Variants in GPC6 observed in about 807,000 individuals in gnomAD.
GPC6 encodes the protein glypican 6, also known as glypican-6.
Under a neutral mutation model 55.2 loss-of-function variants are expected in GPC6, and 14 were observed. That is an observed-to-expected ratio of 0.25 (90% CI 0.17 to 0.40). The LOEUF is 0.40. GPC6 is among the 10% of genes least tolerant of loss of function. GPC6 has a pLI of 1.00. For missense variants in GPC6, 641 were observed against 708.5 expected, an observed-to-expected ratio of 0.90 and a Z score of 1.08; for synonymous variants, 278 against 259.6, an observed-to-expected ratio of 1.07 and a Z score of -0.68.
chr13:94,132,948 A>G (rs558294598), intron 4 of GPC6, among the ~76,000 whole-genome samples: 9 of 152,226 alleles, frequency 5.9e-5, no homozygotes, highest in Admixed American at 4.6e-4. Flanking sequence ...AAGGCTCCAG[A>G]TATATTAATG....
At chr13:94,215,527 T>C (rs940628429) in intron 4 of GPC6, among the ~76,000 whole-genome samples, 2 of 152,216 alleles carry the variant, frequency 1.3e-5, no homozygotes, top group African/African-American at 4.8e-5. Flanking sequence ...AGTGACCCTA[T>C]AACTTGCACA....
At chr13:93,709,458 A>G (rs1159088718) in intron 2 of GPC6, among the ~76,000 whole-genome samples, 1 of 151,768 alleles carries the variant, frequency 6.6e-6, no homozygotes, top group African/African-American at 2.4e-5. Flanking sequence ...TTAGAAAATG[A>G]CATTTTTATA....
chr13:93,976,608 C>T (rs1314784335), intron 3 of GPC6, among the ~76,000 whole-genome samples: 2 of 150,968 alleles, frequency 1.3e-5, no homozygotes, highest in African/African-American at 2.4e-5. Flanking sequence ...TCTGGGACAA[C>T]GTAGCAGACA....
At chr13:93,591,492 C>A (rs1339539977) in intron 2 of GPC6, among the ~76,000 whole-genome samples, 2 of 149,750 alleles carry the variant, frequency 1.3e-5, no homozygotes, top group African/African-American at 2.4e-5. Context: ...AAAAGGAAAT[C>A]ATCTTGTTTC....
At chr13:93,341,914 T>C (rs933853951) in intron 1 of GPC6, among the ~76,000 whole-genome samples, 2 of 151,586 alleles carry the variant, frequency 1.3e-5, no homozygotes, top group African/African-American at 4.8e-5. Context: ...TAACTTTTTT[T>C]TTCTTTCTTT....
chr13:94,081,117 T>C (rs746653585), intron 4 of GPC6, among the ~76,000 whole-genome samples: 6 of 152,150 alleles, frequency 3.9e-5, no homozygotes, highest in Non-Finnish European at 8.8e-5. Flanking sequence ...CCTCAAGCAA[T>C]AGGCTTATCA....
At chr13:94,092,024 G>T (rs552663530) in intron 4 of GPC6, among the ~76,000 whole-genome samples, 3 of 150,094 alleles carry the variant, frequency 2.0e-5, no homozygotes, top group Non-Finnish European at 4.4e-5. Context: ...GGTGTAAAAT[G>T]TGATATTTTG....
chr13:94,066,984 C>T (rs1884538452), intron 4 of GPC6, among the ~76,000 whole-genome samples: 1 of 152,078 alleles, frequency 6.6e-6, no homozygotes. Context: ...TGCATCTTTG[C>T]GATCACCAAA....
intron 2 of GPC6, among the ~76,000 whole-genome samples, chr13:93,823,306 T>A (rs1887120689): frequency 6.6e-6 from 1 of 152,162 alleles, no homozygotes; most frequent in Non-Finnish European, 1.5e-5. Flanking sequence ...AAATTTGACT[T>A]AGGATAGACT....
chr13:93,776,954 C>A lies in GPC6; in HGVS notation c.320-53200C>A, dbSNP rs953473325. Among the ~76,000 whole-genome samples the A allele has an allele frequency of 5.9e-5, 9 of 152,214 alleles. 3 individuals are homozygous for A. The highest frequency in any genetic ancestry group is 1.5e-5 in the Non-Finnish European group (1 of 68,018). ...TTGTGCTAATGTTATGATTAAGCAC[C>A]CTTGCCCATCGACCAACCCCTGTCA... On this transcript the variant is annotated intron_variant, in intron 2 of 8. Coordinates refer to ENST00000377047, the MANE Select transcript of GPC6 (RefSeq NM_005708.5).
At position 94,255,597 on chromosome 13, in the gene GPC6, T is replaced by C. The variant is rs147476669; in HGVS notation, c.878-30752T>C. 4.2e-3 allele frequency among the ~76,000 whole-genome samples: 640 copies of C among 152,262 alleles called. 8 individuals are homozygous for C. The highest frequency in any genetic ancestry group is 0.015 in the African/African-American group (609 of 41,546). ...CTCCTCTTTTTCTATCTAAGGGACA[T>C]GATCCTTAGCCTCCTGCTCTTTTCC... is the stretch of plus-strand genomic sequence containing the variant. On this transcript the variant is annotated intron_variant, in intron 4 of 8. Transcript: ENST00000377047.
chr13:93,590,892 C>T (rs979222478), intron 2 of GPC6, among the ~76,000 whole-genome samples: 12 of 151,852 alleles, frequency 7.9e-5, no homozygotes, highest in South Asian at 2.1e-4. Flanking sequence ...TTAAAAAGGA[C>T]GAGCTAGTGG....
At chr13:94,060,805 C>T (rs1884295640) in intron 4 of GPC6, among the ~76,000 whole-genome samples, 1 of 152,142 alleles carries the variant, frequency 6.6e-6, no homozygotes, top group South Asian at 2.1e-4. Context: ...CCTGGGAGTG[C>T]ATTAATACCA....
At chr13:93,595,278 C>T (rs1877674188) in intron 2 of GPC6, among the ~76,000 whole-genome samples, 1 of 152,066 alleles carries the variant, frequency 6.6e-6, no homozygotes, top group East Asian at 1.9e-4. Context: ...ATATGAATTA[C>T]AATTTTTAAA....
At chr13:94,280,463 T>G (rs1267111297) in intron 4 of GPC6, among the ~76,000 whole-genome samples, 1 of 152,112 alleles carries the variant, frequency 6.6e-6, no homozygotes. Flanking sequence ...CACAAGCATT[T>G]TAATTCATCG....
At chr13:93,924,303 C>T (rs1877735118) in intron 3 of GPC6, among the ~76,000 whole-genome samples, 1 of 152,202 alleles carries the variant, frequency 6.6e-6, no homozygotes, top group Non-Finnish European at 1.5e-5. Flanking sequence ...GCCTGGTGGC[C>T]CCTCTGTCAC....
chr13:93,743,388 A>G (rs571806651), intron 2 of GPC6, among the ~76,000 whole-genome samples: 172 of 152,322 alleles, frequency 1.1e-3, no homozygotes, highest in Non-Finnish European at 1.7e-3. Flanking sequence ...TGTGGCCAAT[A>G]CTATTCATCC....
In GPC6 at chr13:93,841,472, A is replaced by G. The variant is rs148546576; in HGVS notation, c.711+10927A>G. 3.2e-4 allele frequency among the ~76,000 whole-genome samples: 48 copies of G among 152,284 alleles called. No homozygotes were observed. In the East Asian group the frequency reaches 9.1e-3, roughly 29 times the overall value. ...TTCATCCTGATGAGTGATATTCAGC[A>G]CAAACACAATGGGTCAATCTCAGAT... is the stretch of plus-strand genomic sequence containing the variant. On this transcript the variant is annotated intron_variant, in intron 3 of 8. Transcript: ENST00000377047.
chr13:94,032,788 T>G (rs1883190245), intron 4 of GPC6, among the ~76,000 whole-genome samples: 1 of 152,202 alleles, frequency 6.6e-6, no homozygotes, highest in Non-Finnish European at 1.5e-5. Flanking sequence ...CTGGGCTTCT[T>G]CTTTTCAAAC....
Sources: gnomAD v4.1 joint callset for allele counts (sites outside exome capture counted in the v4.1 genomes callset) on GRCh38, gnomAD v4.1.1 for gene constraint, MANE v1.5 for transcripts, NCBI Gene and HGNC (gene_info 2026-07-23, HGNC 2026-07-21) for gene names.